Variants in MANBA observed in about 807,000 individuals in gnomAD.
MANBA encodes the protein beta-mannosidase.
In MANBA, 83 loss-of-function variants were observed where a neutral mutation model predicts 111.1. The observed-to-expected ratio is 0.75, with a 90% CI of 0.63 to 0.90. MANBA has a LOEUF of 0.90. Ranked by LOEUF, MANBA falls within the 40% of genes least tolerant of loss-of-function variation. The probability of loss-of-function intolerance (pLI) is 0.00; values close to 1 mark genes in which losing one functional copy is unlikely to be tolerated. For synonymous variants in MANBA, 370 were observed against 378.7 expected (o/e 0.98, Z 0.27); for missense variants, 1,036 against 1,069.0 (o/e 0.97, Z 0.43).
intron 1 of MANBA, among the ~76,000 whole-genome samples, chr4:102,754,370 G>C (rs1723925900): frequency 6.6e-6 from 1 of 151,528 alleles, no homozygotes; most frequent in Admixed American, 6.6e-5. Flanking sequence ...ATCCTCATCA[G>C]AAAAATAGAA....
chr4:102,690,503 T>C (rs1230460459), intron 6 of MANBA, 93 bp downstream of exon 6: 2 of 1,232,244 alleles, frequency 1.6e-6, no homozygotes, highest in Admixed American at 3.5e-5. Context: ...GAAAGTAGAA[T>C]TTTCTTTCAT....
intron 5 of MANBA, among the ~76,000 whole-genome samples, chr4:102,706,103 C>T (rs1004312352): frequency 1.3e-5 from 2 of 152,200 alleles, no homozygotes; most frequent in African/African-American, 4.8e-5. Context: ...TCTACCACTG[C>T]CACTGCCAGC....
intron 1 of MANBA, among the ~76,000 whole-genome samples, chr4:102,759,176 G>A (rs1724142380): frequency 6.8e-6 from 1 of 146,138 alleles, no homozygotes; most frequent in Non-Finnish European, 1.5e-5. Flanking sequence ...CTCTATGTTG[G>A]CCATGCTGGT....
intron 5 of MANBA, among the ~76,000 whole-genome samples, chr4:102,711,074 A>C (rs1300327848): frequency 6.6e-6 from 1 of 152,204 alleles, no homozygotes; most frequent in African/African-American, 2.4e-5. Flanking sequence ...TTTTATAGCT[A>C]AGACCTCAAA....
At chr4:102,741,818 A>C (rs1723414479) in intron 1 of MANBA, among the ~76,000 whole-genome samples, 1 of 152,210 alleles carries the variant, frequency 6.6e-6, no homozygotes, top group Non-Finnish European at 1.5e-5. Context: ...CATTGGGTGC[A>C]CTGTATACTG....
intron 1 of MANBA, among the ~76,000 whole-genome samples, chr4:102,737,211 T>G (rs1723246727): frequency 6.6e-6 from 1 of 152,148 alleles, no homozygotes; most frequent in African/African-American, 2.4e-5. Flanking sequence ...TGAATTTTCC[T>G]GAGCAGAATC....
At chr4:102,660,836 G>A (rs1291760751) in intron 11 of MANBA, among the ~76,000 whole-genome samples, 1 of 150,890 alleles carries the variant, frequency 6.6e-6, no homozygotes, top group Non-Finnish European at 1.5e-5. Context: ...CAGTAACTTG[G>A]AGTTCTTAGT....
intron 13 of MANBA, among the ~76,000 whole-genome samples, chr4:102,649,812 C>G (rs1022311393): frequency 6.6e-6 from 1 of 152,096 alleles, no homozygotes; most frequent in Non-Finnish European, 1.5e-5. Flanking sequence ...AAACTCTCAC[C>G]TATCCCAAAA....
At position 102,722,971 on chromosome 4, in the gene MANBA, T is replaced by G. The variant is rs754166766; in HGVS notation, c.449A>C (p.Tyr150Ser). 1 of 1,614,156 alleles carries G rather than the reference T, an allele frequency of 6.2e-7. No individual in the cohort carries two copies. Among genetic ancestry groups the G allele is most frequent in the African/African-American group, 1.3e-5 (1 of 75,050 alleles). Residue 150 changes from tyrosine to serine, a missense_variant, in exon 4 of 17, where the codon TAT (tyrosine) becomes TCT (serine). By Grantham distance (144) the Tyr-to-Ser change is moderately radical. Transcript: ENST00000647097. ...GTGAGCTTTGCTCTGCTGTGCTGCA[T>G]ACAACACCGCTGACTGGAAACGCAG... ...IELRFQSAVL[Y>S]AAQQSKAHTR... is the part of the protein sequence containing the mutation.
intron 10 of MANBA, 53 bp downstream of exon 10, chr4:102,668,910 A>C (rs1280532037): frequency 2.1e-6 from 3 of 1,418,712 alleles, no homozygotes; most frequent in African/African-American, 2.8e-5. Context: ...AACAAAAGGC[A>C]ATACTAAAAC....
At chr4:102,730,600 C>T in intron 1 of MANBA, 1 of 541,490 alleles carries the variant, frequency 1.8e-6, no homozygotes, top group South Asian at 1.4e-5. Flanking sequence ...ACTCCCAAAG[C>T]CTGACAAGTT....
intron 11 of MANBA, among the ~76,000 whole-genome samples, 180 bp downstream of exon 11, chr4:102,664,505 C>T (rs1219450553): frequency 5.9e-5 from 9 of 152,074 alleles, no homozygotes; most frequent in African/African-American, 1.2e-4. Context: ...CCCGCCACCG[C>T]GCCCAGCTAA....
At chr4:102,664,551 C>G (rs942879698) in intron 11 of MANBA, 134 bp downstream of exon 11, 11 of 736,222 alleles carry the variant, frequency 1.5e-5, no homozygotes, top group Non-Finnish European at 2.6e-5. Context: ...GGGGTTTCAC[C>G]GTGGTCTCGA....
intron 4 of MANBA, among the ~76,000 whole-genome samples, chr4:102,722,029 CAAAAA>C (rs562110956): frequency 1.1e-5 from 1 of 87,188 alleles, no homozygotes; most frequent in Non-Finnish European, 2.2e-5. Flanking sequence ...GACCCAGTCT[CAAAAA>C]AAAAAAAAAA....
chr4:102,663,872 G>A (rs530899397), intron 11 of MANBA, among the ~76,000 whole-genome samples: 2 of 152,262 alleles, frequency 1.3e-5, no homozygotes, highest in South Asian at 2.1e-4. Flanking sequence ...ATTAACATAT[G>A]TCTGTATAAT....
intron 1 of MANBA, among the ~76,000 whole-genome samples, chr4:102,736,517 C>T (rs548579624): frequency 1.3e-5 from 2 of 152,174 alleles, no homozygotes; most frequent in Non-Finnish European, 2.9e-5. Context: ...TCAGACTTTA[C>T]CCCAGATACA....
rs77365452 is a variant in MANBA at position 102,646,255 on chromosome 4, G to T, written c.1869+4282C>A. On this transcript the variant is annotated intron_variant, in intron 13 of 16. Transcript: ENST00000647097. ...TAATATATAATACACAATGTTAATG[G>T]TCACTCTTTCATTCCCCTCCTTTGC... Among the ~76,000 whole-genome samples, 14 of 151,974 alleles carry T rather than the reference G, an allele frequency of 9.2e-5. No individual in the cohort carries two copies. The East Asian group carries it at 2.7e-3, about 29-fold the overall frequency.
intron 10 of MANBA, chr4:102,667,278 A>G (rs1219507329): frequency 4.6e-5 from 7 of 152,210 alleles, no homozygotes; most frequent in Non-Finnish European, 8.8e-5. Context: ...GTCCAATCAG[A>G]AAACAAATGC....
At chr4:102,725,232 G>A (rs2110195246) in intron 2 of MANBA, among the ~76,000 whole-genome samples, 1 of 152,200 alleles carries the variant, frequency 6.6e-6, no homozygotes, top group African/African-American at 2.4e-5. Context: ...TTAAATGACT[G>A]AATTGTACAA....
Sources: gnomAD v4.1 joint callset for allele counts (sites outside exome capture counted in the v4.1 genomes callset) on GRCh38, gnomAD v4.1.1 for gene constraint, MANE v1.5 for transcripts, NCBI Gene and HGNC (gene_info 2026-07-23, HGNC 2026-07-21) for gene names.